Variants in ITPR2 observed in about 807,000 individuals in gnomAD.
ITPR2 encodes inositol 1,4,5-trisphosphate receptor type 2.
Under a neutral mutation model 317.1 loss-of-function variants are expected in ITPR2, and 207 were observed. The ratio of observed to expected loss-of-function variants is 0.65; its 90% CI spans 0.58 to 0.73. The LOEUF (loss-of-function observed/expected upper bound fraction) is 0.73. ITPR2 is among the 30% of genes least tolerant of loss of function. The pLI is 0.00. For synonymous variants in ITPR2, 1,156 were observed against 1,149.1 expected (o/e 1.01, Z -0.12); for missense variants, 2,613 against 3,284.0 (o/e 0.80, Z 4.99).
rs778394618 is a variant in ITPR2 at position 26,337,359 on chromosome 12, T to G, written c.*2038A>C. 1 of 152,220 alleles carries G rather than the reference T, an allele frequency of 6.6e-6. No homozygotes were observed. The highest frequency in any genetic ancestry group is 2.1e-4 in the South Asian group (1 of 4,836). 9.4% of individuals were successfully genotyped at this position (152,220 alleles called of 1,614,324 possible). Reference sequence around the variant, plus strand: ...GAAATATTTTGTACTAAAACAGAGATAGGTTCCTATATTGGAATATGTTCA... The same window carrying G: ...GAAATATTTTGTACTAAAACAGAGAGAGGTTCCTATATTGGAATATGTTCA... On this transcript the variant is annotated 3_prime_UTR_variant, in exon 57 of 57. Coordinates refer to ENST00000381340, the MANE Select transcript of ITPR2 (RefSeq NM_002223.4).
chr12:26,711,278 G>A lies in ITPR2; in HGVS notation c.856-10C>T. The A allele has an allele frequency of 1.3e-6, 2 of 1,589,996 alleles. No individual in the cohort carries two copies. The highest frequency in any genetic ancestry group is 1.7e-6 in the Non-Finnish European group (2 of 1,158,098). Reference sequence around the variant, plus strand: ...GGTCATGATGAACCACCTACAAAGAGAGCAACGATAGTAATGGCAAAACAA... The same window carrying A: ...GGTCATGATGAACCACCTACAAAGAAAGCAACGATAGTAATGGCAAAACAA... On this transcript the variant is annotated splice_polypyrimidine_tract_variant and intron_variant, in intron 8 of 56. Coordinates refer to ENST00000381340, the MANE Select transcript of ITPR2 (RefSeq NM_002223.4).
At chr12:26,644,194 G>T (rs1947058467) in intron 21 of ITPR2, among the ~76,000 whole-genome samples, 1 of 152,154 alleles carries the variant, frequency 6.6e-6, no homozygotes, top group African/African-American at 2.4e-5. Flanking sequence ...CTCACATCAT[G>T]AGCTTCACTT....
At chr12:26,520,202 C>T (rs368195301) in intron 37 of ITPR2, among the ~76,000 whole-genome samples, 2 of 152,296 alleles carry the variant, frequency 1.3e-5, no homozygotes, top group East Asian at 3.9e-4. Flanking sequence ...GCTCCAAACT[C>T]CCCCTTGTGA....
At chr12:26,616,490 C>T (rs1473450174) in intron 26 of ITPR2, among the ~76,000 whole-genome samples, 3 of 152,014 alleles carry the variant, frequency 2.0e-5, no homozygotes, top group Non-Finnish European at 4.4e-5. Flanking sequence ...AAAGAACTCA[C>T]AATGGAAAAA....
intron 48 of ITPR2, among the ~76,000 whole-genome samples, chr12:26,428,946 A>C (rs562377675): frequency 6.6e-6 from 1 of 152,350 alleles, no homozygotes; most frequent in African/African-American, 2.4e-5. Context: ...GCTGACATAG[A>C]AAGGAAACAA....
chr12:26,680,225 C>T (rs1262176826), intron 13 of ITPR2, among the ~76,000 whole-genome samples: 1 of 151,872 alleles, frequency 6.6e-6, no homozygotes, highest in Non-Finnish European at 1.5e-5. Context: ...AAAACACTCA[C>T]AAAATTTCCA....
intron 4 of ITPR2, 93 bp downstream of exon 4, chr12:26,724,563 G>A (rs991976584): frequency 4.1e-6 from 3 of 735,640 alleles, no homozygotes; most frequent in Non-Finnish European, 4.8e-6. Flanking sequence ...CAAACTTCCT[G>A]TATCTCAAAA....
intron 1 of ITPR2, among the ~76,000 whole-genome samples, chr12:26,807,975 C>T (rs1421756956): frequency 6.6e-6 from 1 of 152,160 alleles, no homozygotes; most frequent in East Asian, 1.9e-4. Context: ...CTCCCATTAC[C>T]CCCAGACACA....
intron 32 of ITPR2, among the ~76,000 whole-genome samples, chr12:26,582,824 C>A (rs1176637364): frequency 6.6e-6 from 1 of 152,174 alleles, no homozygotes; most frequent in Non-Finnish European, 1.5e-5. Flanking sequence ...TCCCTTATTA[C>A]CACCAAATAG....
intron 55 of ITPR2, among the ~76,000 whole-genome samples, chr12:26,383,210 C>T (rs1172531031): frequency 6.6e-6 from 1 of 152,184 alleles, no homozygotes; most frequent in Non-Finnish European, 1.5e-5. Context: ...TGAAAGCTTC[C>T]TGAGGCCTCA....
intron 26 of ITPR2, among the ~76,000 whole-genome samples, chr12:26,618,379 C>T (rs1357807499): frequency 6.6e-6 from 1 of 152,100 alleles, no homozygotes; most frequent in Non-Finnish European, 1.5e-5. Context: ...TAACTATTTG[C>T]CTGTGTAGAA....
intron 26 of ITPR2, among the ~76,000 whole-genome samples, chr12:26,606,541 T>TC (rs1352168609): frequency 3.3e-5 from 3 of 89,736 alleles, no homozygotes; most frequent in African/African-American, 1.3e-4. Context: ...AGATAGTTCC[T>TC]CCCTTTTTTT....
At chr12:26,606,926 C>A (rs1946143421) in intron 26 of ITPR2, among the ~76,000 whole-genome samples, 1 of 152,072 alleles carries the variant, frequency 6.6e-6, no homozygotes, top group African/African-American at 2.4e-5. Flanking sequence ...CAGAGTGAGA[C>A]CCATCTCAAT....
intron 2 of ITPR2, among the ~76,000 whole-genome samples, chr12:26,786,074 A>G (rs28711861): frequency 6.1e-5 from 1 of 16,526 alleles, no homozygotes. Flanking sequence ...GGATAGAAGT[A>G]GACATGGGAG....
intron 41 of ITPR2, 118 bp downstream of exon 41, chr12:26,485,986 G>A (rs1308509688): frequency 9.0e-7 from 1 of 1,106,504 alleles, no homozygotes; most frequent in Non-Finnish European, 1.3e-6. Flanking sequence ...GAGCACTATT[G>A]CTTTTATTGA....
intron 32 of ITPR2, among the ~76,000 whole-genome samples, chr12:26,585,366 T>C (rs868450327): frequency 6.6e-6 from 1 of 152,196 alleles, no homozygotes; most frequent in African/African-American, 2.4e-5. Context: ...TATTTAACCG[T>C]TTGTCAAATA....
intron 21 of ITPR2, among the ~76,000 whole-genome samples, chr12:26,645,748 C>T (rs1947098808): frequency 6.6e-6 from 1 of 152,186 alleles, no homozygotes; most frequent in African/African-American, 2.4e-5. Flanking sequence ...AACTGCTTTG[C>T]AGAGACCTGA....
rs980116007 is a variant in ITPR2, at chr12:26,715,771, C to T, written c.689G>A (p.Arg230Gln). Residue 230 changes from arginine to glutamine, a missense_variant, in exon 7 of 57, where the codon CGA (arginine) becomes CAA (glutamine). By Grantham distance (43) the Arg-to-Gln change is conservative (BLOSUM62 1). Around this residue, in one of 9 missense-constraint regions of ITPR2, gnomAD observed 515 missense variants for 789.4 expected, o/e 0.65. Coordinates refer to ENST00000381340, the MANE Select transcript of ITPR2 (RefSeq NM_002223.4). ...ACTTACTCCTTTTAATACATCCTCT[C>T]GATAGGAACTATATTTCATGAATAA... ...ITLFMKYSSY[R>Q]EDVLKGGDVV... 6 of 1,603,366 alleles carry T rather than the reference C, an allele frequency of 3.7e-6. No individual in the cohort carries two copies. In the African/African-American group the frequency reaches 4.0e-5, roughly 11 times the overall value.
At chr12:26,685,440 T>C (rs1482175940) in intron 11 of ITPR2, among the ~76,000 whole-genome samples, 1 of 151,824 alleles carries the variant, frequency 6.6e-6, no homozygotes, top group Non-Finnish European at 1.5e-5. Context: ...TACAAAAATA[T>C]ACAAAAATTA....
Sources: allele counts gnomAD v4.1 joint callset (sites outside exome capture counted in the v4.1 genomes callset), GRCh38; gene constraint gnomAD v4.1.1; regional missense constraint gnomAD v4.1.1; transcripts MANE v1.5; gene names NCBI Gene and HGNC (gene_info 2026-07-23, HGNC 2026-07-21).